ACSS1: variants seen among roughly 807,000 people sequenced by gnomAD.
ACSS1 encodes the protein acetyl-coenzyme A synthetase 2-like, mitochondrial.
ACSS1 carries 42 observed loss-of-function variants against 75.3 expected under a neutral mutation model. That is an observed-to-expected ratio of 0.56 (90% CI 0.44 to 0.72). The LOEUF is 0.72. ACSS1 is among the 30% of genes least tolerant of loss of function. The pLI is 0.00. For missense variants in ACSS1, 782 were observed against 935.7 expected, an observed-to-expected ratio of 0.84 and a Z score of 2.14; for synonymous variants, 380 against 376.8, an observed-to-expected ratio of 1.01 and a Z score of -0.10.
At position 25,046,995 on chromosome 20, in the gene ACSS1, A is replaced by G; in HGVS notation, c.431+1090T>C. On this transcript the variant is annotated intron_variant, in intron 2 of 13. Transcript: ENST00000323482. ...TGGGCCTGAGGGCTCCTGGGGGCCG[A>G]GGGGAGGAACGAGCAGGACAGGGCC... 5 of 760,918 alleles carry G rather than the reference A, an allele frequency of 6.6e-6. No homozygotes were observed. In the South Asian group the frequency reaches 6.9e-5, roughly 11 times the overall value. 47.1% of individuals were successfully genotyped at this position (760,918 alleles called of 1,614,324 possible).
Position 25,007,153 on chromosome 20 carries a change from A to G in ACSS1, c.*609T>C. ...GGGAACTGTTTAGACAGAGGTACAAACATCTCCAATTCAGACTTCCAAATA... is the reference window on the plus strand; with the variant it reads ...GGGAACTGTTTAGACAGAGGTACAAGCATCTCCAATTCAGACTTCCAAATA... On this transcript the variant is annotated 3_prime_UTR_variant, in exon 14 of 14. Transcript: ENST00000323482. The G allele has an allele frequency of 7.6e-7, 1 of 1,321,406 alleles. No homozygotes were observed. Among genetic ancestry groups the G allele is most frequent in the Non-Finnish European group, 9.7e-7 (1 of 1,034,988 alleles). The allele number at this position is 1,321,406 out of a possible 1,614,324, so 81.9% of individuals were successfully genotyped here.
At chr20:25,034,233 T>C (rs1427922136) in intron 2 of ACSS1, among the ~76,000 whole-genome samples, 3 of 152,162 alleles carry the variant, frequency 2.0e-5, no homozygotes, top group Admixed American at 2.0e-4. Flanking sequence ...GCTCACCTCA[T>C]GGGGCCACAT....
rs1017100512 is a variant in ACSS1 at position 25,032,431 on chromosome 20, C to T, written c.432-1473G>A. ...CCCAAGGTTGTCTTTCCTTTCGGCGCCTCATCCCTCTGAATCTGGACCTGG... is the reference window on the plus strand; with the variant it reads ...CCCAAGGTTGTCTTTCCTTTCGGCGTCTCATCCCTCTGAATCTGGACCTGG... On this transcript the variant is annotated intron_variant, in intron 2 of 13. Coordinates refer to ENST00000323482, the MANE Select transcript of ACSS1 (RefSeq NM_032501.4). 4 of 1,389,790 alleles carry T rather than the reference C, an allele frequency of 2.9e-6. No homozygotes were observed. The African/African-American group carries it at 5.8e-5, about 20-fold the overall frequency. The allele number at this position is 1,389,790 out of a possible 1,614,324, so 86.1% of individuals were successfully genotyped here. A position where few individuals can be genotyped will look rare whatever the true frequency, so the allele number is the denominator to read the frequency against.
chr20:25,046,002 T>G (rs1388719242), intron 2 of ACSS1: 1 of 152,212 alleles, frequency 6.6e-6, no homozygotes. Flanking sequence ...CTTGGCTCAC[T>G]GCAACATCCA....
chr20:25,031,919 C>T (rs961603323), intron 2 of ACSS1, among the ~76,000 whole-genome samples: 1 of 152,242 alleles, frequency 6.6e-6, no homozygotes. Context: ...CCAAATAATG[C>T]TCTCAGGGAG....
rs1056129402 is a variant in ACSS1, at chr20:25,048,072, G to A, written c.431+13C>T. On this transcript the variant is annotated intron_variant, in intron 2 of 13. Transcript: ENST00000323482. ...CGCCTCCCTCGCACCTTGAACATTC[G>A]AGGGCACAGTACCTGTAGGTGATCC... 17 of 1,612,470 alleles carry A rather than the reference G, an allele frequency of 1.1e-5. No homozygotes were observed. Among genetic ancestry groups the A allele is most frequent in the East Asian group, 2.2e-5 (1 of 44,818 alleles).
In ACSS1 at chr20:25,057,803, G is replaced by C; in HGVS notation, c.300C>G (p.Ile100Met). ...TTAACTGGCCTCCCAGGAACCAGCC[G>C]ATCTTGCCAGTGCTGAAGTCGCAGT... ...VWDCDFSTGKIGWFLGGQLNV... is the reference protein window; with the variant it reads ...VWDCDFSTGKMGWFLGGQLNV... The change falls in exon 1 of 14, where the codon ATC becomes ATG. Residue 100 changes from isoleucine (I) to methionine (M), a missense_variant. Ile to Met is a conservative substitution (Grantham distance 10, BLOSUM62 1). Coordinates refer to ENST00000323482, the MANE Select transcript of ACSS1 (RefSeq NM_032501.4). 1 of 1,596,542 alleles carries C rather than the reference G, an allele frequency of 6.3e-7. No homozygotes were observed. Among genetic ancestry groups the C allele is most frequent in the Non-Finnish European group, 8.6e-7 (1 of 1,167,266 alleles).
chr20:25,040,287 A>G (rs2088979769), intron 2 of ACSS1, among the ~76,000 whole-genome samples: 1 of 152,212 alleles, frequency 6.6e-6, no homozygotes, highest in African/African-American at 2.4e-5. Flanking sequence ...CAGGGCAGCC[A>G]ACTTCACACA....
chr20:25,027,292 G>T (rs1358910815), intron 3 of ACSS1, among the ~76,000 whole-genome samples: 1 of 152,168 alleles, frequency 6.6e-6, no homozygotes, highest in Non-Finnish European at 1.5e-5. Context: ...TTCATTTTAT[G>T]AGGCCAGCAT....
In ACSS1 at chr20:25,046,855, G is replaced by A. The variant is rs201015746; in HGVS notation, c.431+1230C>T. The A allele has an allele frequency of 2.7e-3, 2,083 of 779,740 alleles. 4 individuals are homozygous for A. Among genetic ancestry groups the A allele is most frequent in the Non-Finnish European group, 3.6e-3 (1,504 of 417,952 alleles). The allele number at this position is 779,740 out of a possible 1,614,324, so 48.3% of individuals were successfully genotyped here. On this transcript the variant is annotated intron_variant, in intron 2 of 13. Coordinates refer to ENST00000323482, the MANE Select transcript of ACSS1 (RefSeq NM_032501.4). Reference sequence around the variant, plus strand: ...AATGCTGCTGGCCTATGGGCCACACGGCATCTGCAACCAGGGACTAGAGAT... The same window carrying A: ...AATGCTGCTGGCCTATGGGCCACACAGCATCTGCAACCAGGGACTAGAGAT...
In ACSS1 at chr20:25,055,987, G is replaced by A. The variant is rs115767097; in HGVS notation, c.334+1782C>T. ...GCACATCCCAGGGGAGAAAGCTGCTGAAAAGCTGTTTTTCAAGTTAGTTTT... is the reference window on the plus strand; with the variant it reads ...GCACATCCCAGGGGAGAAAGCTGCTAAAAAGCTGTTTTTCAAGTTAGTTTT... On this transcript the variant is annotated intron_variant, in intron 1 of 13. Transcript: ENST00000323482. 6.2e-3 allele frequency among the ~76,000 whole-genome samples: 940 copies of A among 152,342 alleles called. 10 individuals are homozygous for A. Among genetic ancestry groups the A allele is most frequent in the African/African-American group, 0.021 (890 of 41,576 alleles).
intron 2 of ACSS1, among the ~76,000 whole-genome samples, chr20:25,043,643 A>C (rs1023135504): frequency 1.3e-5 from 2 of 152,086 alleles, no homozygotes; most frequent in Admixed American, 6.5e-5. Context: ...GCACGACCCC[A>C]CCCAATAAAA....
At chr20:25,047,067 A>C (rs1600347443) in intron 2 of ACSS1, among the ~76,000 whole-genome samples, 1 of 152,178 alleles carries the variant, frequency 6.6e-6, no homozygotes. Context: ...TCTGCCTCCA[A>C]AAGTCAGCAT....
At position 25,020,020 on chromosome 20, in the gene ACSS1, G is replaced by A. The variant is rs1384738722; in HGVS notation, c.1236C>T (p.Thr412=). The A allele has an allele frequency of 1.2e-6, 2 of 1,614,208 alleles. No homozygotes were observed. Among genetic ancestry groups the A allele is most frequent in the Admixed American group, 1.7e-5 (1 of 60,028 alleles). Residue 412 remains threonine, a synonymous_variant, in exon 7 of 14, where the codon ACC becomes ACT. Transcript: ENST00000323482. Reference sequence around the variant, plus strand: ...GGGCAGGCCGCTCACCTGACCCCAGGGTCCGCAGGGAGGAGCGATCATACT... The same window carrying A: ...GGGCAGGCCGCTCACCTGACCCCAGAGTCCGCAGGGAGGAGCGATCATACT... The part of the protein sequence containing the change: ...VKKYDRSSLR[T]LGSVGEPINC...
intron 2 of ACSS1, chr20:25,032,276 C>G: frequency 8.7e-7 from 1 of 1,149,748 alleles, no homozygotes; most frequent in South Asian, 3.3e-5. Context: ...AGCTGATTGG[C>G]TCAGGGCCGA....
chr20:25,022,822 C>G, intron 5 of ACSS1, 118 bp downstream of exon 5: 1 of 1,372,756 alleles, frequency 7.3e-7, no homozygotes, highest in South Asian at 1.5e-5. Context: ...CCGAATAGGC[C>G]AGGAAGAAAC....
chr20:25,050,605 TG>T (rs1481123140), intron 1 of ACSS1, among the ~76,000 whole-genome samples: 1 of 151,268 alleles, frequency 6.6e-6, no homozygotes, highest in Non-Finnish European at 1.5e-5. Context: ...CTGCATGGCC[TG>T]GTGACCTGCC....
intron 3 of ACSS1, among the ~76,000 whole-genome samples, chr20:25,029,413 T>C (rs549519405): frequency 5.3e-5 from 8 of 152,298 alleles, no homozygotes; most frequent in Admixed American, 1.3e-4. Context: ...GCATACACTA[T>C]TAGTGGAAAT....
chr20:25,008,281 T>A (rs544420399), intron 13 of ACSS1, among the ~76,000 whole-genome samples: 1 of 152,332 alleles, frequency 6.6e-6, no homozygotes, highest in East Asian at 1.9e-4. Flanking sequence ...GTGCCTCATC[T>A]CCATTCTCTG....
Sources: gnomAD v4.1 joint callset for allele counts (sites outside exome capture counted in the v4.1 genomes callset) on GRCh38, gnomAD v4.1.1 for gene constraint, MANE v1.5 for transcripts, NCBI Gene and HGNC (gene_info 2026-07-23, HGNC 2026-07-21) for gene names.